Variants in GRID2 observed in about 807,000 individuals in gnomAD.
The protein encoded by GRID2 is glutamate ionotropic receptor delta type subunit 2.
A neutral mutation model predicts 114.8 loss-of-function variants in GRID2; 33 were observed. That is an observed-to-expected ratio of 0.29 (90% CI 0.22 to 0.38). The LOEUF is 0.38. Ranked by LOEUF, GRID2 falls within the 10% of genes least tolerant of loss-of-function variation. The probability of loss-of-function intolerance (pLI) is 1.00; values close to 1 mark genes in which losing one functional copy is unlikely to be tolerated. For missense variants in GRID2, 1,184 were observed against 1,257.7 expected (o/e 0.94, Z 0.89); for synonymous variants, 505 against 449.9 (o/e 1.12, Z -1.55).
rs149224758 is a variant in GRID2 at position 93,097,589 on chromosome 4, A to G, written c.529+12310A>G. ...TTGCAGGGTGCATAGCAACATATAT[A>G]TATATTTAAAACTCCACAGGTGCTT... On this transcript the variant is annotated intron_variant, in intron 3 of 15. Coordinates refer to ENST00000282020, the MANE Select transcript of GRID2 (RefSeq NM_001510.4). 2.3e-3 allele frequency among the ~76,000 whole-genome samples: 350 copies of G among 151,900 alleles called. 1 individual carries two copies. The highest frequency in any genetic ancestry group is 8.0e-3 in the African/African-American group (331 of 41,466).
intron 14 of GRID2, among the ~76,000 whole-genome samples, chr4:93,729,197 G>A (rs986216589): frequency 8.0e-5 from 12 of 150,690 alleles, no homozygotes; most frequent in East Asian, 2.0e-4. Flanking sequence ...TGCCCGGCCC[G>A]TTCCAGAGTT....
Position 92,431,937 on chromosome 4 carries a change from A to T in GRID2, c.88+127193A>T, listed in dbSNP as rs1348066447. Reference sequence around the variant, plus strand: ...ATCTAAGTCTTTGGTCATCACTGTAATTGTGTCTGCATTGGGGGAACCCCA... The same window carrying T: ...ATCTAAGTCTTTGGTCATCACTGTATTTGTGTCTGCATTGGGGGAACCCCA... On this transcript the variant is annotated intron_variant, in intron 1 of 15. Transcript: ENST00000282020. Among the ~76,000 whole-genome samples the T allele has an allele frequency of 2.6e-5, 4 of 152,210 alleles. No homozygotes were observed. The East Asian group carries it at 7.7e-4, about 29-fold the overall frequency.
chr4:93,444,460 A>G (rs1379539389), intron 10 of GRID2, among the ~76,000 whole-genome samples: 1 of 152,006 alleles, frequency 6.6e-6, no homozygotes, highest in Non-Finnish European at 1.5e-5. Flanking sequence ...TGTCAGAGAA[A>G]AAAATCTATT....
At chr4:92,809,207 A>C (rs996170989) in intron 2 of GRID2, among the ~76,000 whole-genome samples, 18 of 152,082 alleles carry the variant, frequency 1.2e-4, no homozygotes, top group Non-Finnish European at 2.2e-4. Context: ...AAAACTAAAA[A>C]ATCTTAGTTT....
At chr4:93,006,750 C>T (rs1249260112) in intron 2 of GRID2, among the ~76,000 whole-genome samples, 5 of 151,088 alleles carry the variant, frequency 3.3e-5, no homozygotes, top group East Asian at 3.9e-4. Context: ...GACCTTCCAC[C>T]GGTGGTTGCT....
In GRID2 at chr4:92,604,246, C is replaced by T. The variant is rs535502572; in HGVS notation, c.244+13960C>T. ...ATAAAAATACTTGCATGCGTATCTTCATTGCAGCAGTATTCACAATAGCAA... is the reference window on the plus strand; with the variant it reads ...ATAAAAATACTTGCATGCGTATCTTTATTGCAGCAGTATTCACAATAGCAA... On this transcript the variant is annotated intron_variant, in intron 2 of 15. Transcript: ENST00000282020. 1.4e-4 allele frequency among the ~76,000 whole-genome samples: 21 copies of T among 152,192 alleles called. No homozygotes were observed. The East Asian group carries it at 3.9e-3, about 28-fold the overall frequency.
intron 2 of GRID2, among the ~76,000 whole-genome samples, chr4:92,634,747 C>CTTTT (rs3077529): frequency 1.7e-5 from 2 of 121,202 alleles, no homozygotes; most frequent in Non-Finnish European, 3.5e-5. Context: ...TTTTTTTTTT[C>CTTTT]TTTTTTTTTT....
chr4:93,161,976 G>A (rs1358121361), intron 4 of GRID2, among the ~76,000 whole-genome samples: 2 of 151,438 alleles, frequency 1.3e-5, no homozygotes, highest in Non-Finnish European at 1.5e-5. Context: ...CAGCAATTTA[G>A]TCAATTTCTA....
chr4:92,613,050 G>A (rs558007519), intron 2 of GRID2, among the ~76,000 whole-genome samples: 1 of 151,404 alleles, frequency 6.6e-6, no homozygotes, highest in South Asian at 2.1e-4. Flanking sequence ...TATGATGTTA[G>A]CTGTATATTT....
At position 92,496,499 on chromosome 4, in the gene GRID2, C is replaced by G. The variant is rs569441802; in HGVS notation, c.89-93632C>G. ...ACAAGTAAAAGTTGGAAAATCATCA[C>G]TAAAACTGTAACAGAAATTCAAGGA... On this transcript the variant is annotated intron_variant, in intron 1 of 15. Coordinates refer to ENST00000282020, the MANE Select transcript of GRID2 (RefSeq NM_001510.4). Among the ~76,000 whole-genome samples, 15 of 151,922 alleles carry G rather than the reference C, an allele frequency of 9.9e-5. No individual in the cohort carries two copies. The South Asian group carries it at 2.9e-3, about 29-fold the overall frequency.
chr4:92,445,059 CTCA>C (rs1405425522), intron 1 of GRID2, among the ~76,000 whole-genome samples: 1 of 152,018 alleles, frequency 6.6e-6, no homozygotes, highest in African/African-American at 2.4e-5. Context: ...GTCATGATCA[CTCA>C]TCATCTAGTA....
Position 92,400,424 on chromosome 4 carries a change from C to G in GRID2, c.88+95680C>G, listed in dbSNP as rs184197943. 5.3e-5 allele frequency among the ~76,000 whole-genome samples: 8 copies of G among 152,248 alleles called. No individual in the cohort carries two copies. In the South Asian group the frequency reaches 1.7e-3, roughly 32 times the overall value. On this transcript the variant is annotated intron_variant, in intron 1 of 15. Coordinates refer to ENST00000282020, the MANE Select transcript of GRID2 (RefSeq NM_001510.4). ...TTTTCAAGGTTCATTCATGCTGTAG[C>G]ATGTATTAGTACTTTATTCCTTTTT...
intron 2 of GRID2, among the ~76,000 whole-genome samples, chr4:92,943,731 T>C (rs754013244): frequency 2.0e-5 from 3 of 152,318 alleles, no homozygotes; most frequent in Non-Finnish European, 4.4e-5. Context: ...TGGTCTTTGA[T>C]GATGGTGACG....
At chr4:93,529,730 T>G (rs937137131) in intron 13 of GRID2, among the ~76,000 whole-genome samples, 4 of 152,088 alleles carry the variant, frequency 2.6e-5, no homozygotes, top group Non-Finnish European at 5.9e-5. Flanking sequence ...TTCCCTGTCT[T>G]TGCTCCTTAC....
At chr4:93,252,220 C>A (rs948694216) in intron 8 of GRID2, among the ~76,000 whole-genome samples, 1 of 151,982 alleles carries the variant, frequency 6.6e-6, no homozygotes, top group Non-Finnish European at 1.5e-5. Flanking sequence ...ATTATTGAAT[C>A]CATCTTGGGT....
At chr4:93,794,068 T>C (rs574224382) in intron 1 of GRID2, among the ~76,000 whole-genome samples, 1 of 152,338 alleles carries the variant, frequency 6.6e-6, no homozygotes, top group African/African-American at 2.4e-5. Flanking sequence ...TGACTTTCTT[T>C]AGGGAATCTG....
At chr4:93,402,229 C>G (rs765650199) in intron 9 of GRID2, among the ~76,000 whole-genome samples, 2 of 152,102 alleles carry the variant, frequency 1.3e-5, no homozygotes, top group Non-Finnish European at 2.9e-5. Context: ...AACTTGCAGT[C>G]AAAAGGTATG....
chr4:93,271,668 A>G (rs1224755183), intron 8 of GRID2, among the ~76,000 whole-genome samples: 1 of 152,226 alleles, frequency 6.6e-6, no homozygotes, highest in Non-Finnish European at 1.5e-5. Context: ...GCTTAAAAAT[A>G]CACAGAAAGG....
At chr4:93,649,486 A>C (rs890283540) in intron 14 of GRID2, among the ~76,000 whole-genome samples, 15 of 152,326 alleles carry the variant, frequency 9.8e-5, no homozygotes, top group South Asian at 6.2e-4. Flanking sequence ...AGGGTGAAGA[A>C]GAACTTACTA....
Sources: gnomAD v4.1 joint callset for allele counts (sites outside exome capture counted in the v4.1 genomes callset) on GRCh38, gnomAD v4.1.1 for gene constraint, MANE v1.5 for transcripts, NCBI Gene and HGNC (gene_info 2026-07-23, HGNC 2026-07-21) for gene names.